The following SPEG variants were observed in gnomAD, a reference collection of about 807,000 sequenced individuals.
SPEG encodes the protein striated muscle enriched protein kinase.
In SPEG, 114 loss-of-function variants were observed where a neutral mutation model predicts 300.4. The ratio of observed to expected loss-of-function variants is 0.38; its 90% CI spans 0.33 to 0.44. SPEG has a LOEUF of 0.44. Ranked by LOEUF, SPEG falls within the 20% of genes least tolerant of loss-of-function variation. The pLI is 1.00. For synonymous variants in SPEG, 1,964 were observed against 2,018.9 expected (o/e 0.97, Z 0.73); for missense variants, 4,201 against 4,586.2 (o/e 0.92, Z 2.43).
At chr2:219,469,825 TC>T (rs1290538683) in intron 13 of SPEG, among the ~76,000 whole-genome samples, 4 of 152,148 alleles carry the variant, frequency 2.6e-5, no homozygotes, top group African/African-American at 9.7e-5. Context: ...CGGTGGTACT[TC>T]CTGGAGACAT....
chr2:219,463,657 C>T (rs1690965140), intron 8 of SPEG, among the ~76,000 whole-genome samples: 2 of 150,962 alleles, frequency 1.3e-5, no homozygotes, highest in Admixed American at 1.3e-4. Flanking sequence ...CCACCCACCT[C>T]GGCCTCCCAA....
chr2:219,485,217 G>A lies in SPEG; in HGVS notation c.7610-129G>A, dbSNP rs565326439. The A allele has an allele frequency of 1.5e-5, 22 of 1,485,148 alleles. No homozygotes were observed. In the Admixed American group the frequency reaches 3.6e-4, roughly 24 times the overall value. The allele number at this position is 1,485,148 out of a possible 1,614,324, so 92.0% of individuals were successfully genotyped here. ...TGGAATCAGCAGGGCTGGAGGGGAG[G>A]AAAGCAGGAATGGCGGCAGGGCTGG... On this transcript the variant is annotated intron_variant, in intron 30 of 40. Transcript: ENST00000312358.
chr2:219,462,418 C>T (rs753244865), intron 8 of SPEG, 32 bp downstream of exon 8: 57 of 1,513,658 alleles, frequency 3.8e-5, no homozygotes, highest in South Asian at 1.7e-4. Context: ...CACCCACCAG[C>T]GACTCTATGC....
Position 219,473,429 on chromosome 2 carries a change from G to T in SPEG, c.4148-75G>T. Reference sequence around the variant, plus strand: ...AAAACGGAACTCAAGTGTTGATGAGGGGTGTTAGAGGAGTGGTGGGTGCTG... The same window carrying T: ...AAAACGGAACTCAAGTGTTGATGAGTGGTGTTAGAGGAGTGGTGGGTGCTG... On this transcript the variant is annotated intron_variant, in intron 16 of 40. Coordinates refer to ENST00000312358, the MANE Select transcript of SPEG (RefSeq NM_005876.5). This position sits in a 1 kb window ranked among gnomAD's most constrained non-coding sequence, Gnocchi z 4.6. The T allele has an allele frequency of 1.4e-6, 2 of 1,390,546 alleles. No homozygotes were observed. Among genetic ancestry groups the T allele is most frequent in the Non-Finnish European group, 2.0e-6 (2 of 987,758 alleles). 86.1% of individuals were successfully genotyped at this position (1,390,546 alleles called of 1,614,324 possible). A position where few individuals can be genotyped will look rare whatever the true frequency, so the allele number is the denominator to read the frequency against.
At chr2:219,442,099 G>A (rs1175745003) in intron 1 of SPEG, 2 of 1,192,816 alleles carry the variant, frequency 1.7e-6, no homozygotes, top group South Asian at 4.2e-5. Context: ...GGCTCCGGGG[G>A]CGGGCGGCGC....
chr2:219,482,512 C>A, intron 28 of SPEG: 1 of 467,252 alleles, frequency 2.1e-6, no homozygotes, highest in South Asian at 3.1e-5. Context: ...GGCCATGAGC[C>A]CTGGTGGAAG....
chr2:219,473,473 C>T lies in SPEG; in HGVS notation c.4148-31C>T. The stretch of plus-strand genomic sequence containing the variant: ...GGTGCTGAGGACCTGATGTCAAGCC[C>T]AGCACAGAGCCTGCGCTCTCCTCCT... On this transcript the variant is annotated intron_variant, in intron 16 of 40. Coordinates refer to ENST00000312358, the MANE Select transcript of SPEG (RefSeq NM_005876.5). This position sits in a 1 kb window ranked among gnomAD's most constrained non-coding sequence, Gnocchi z 4.6. 1 of 1,611,386 alleles carries T rather than the reference C, an allele frequency of 6.2e-7. No homozygotes were observed. Among genetic ancestry groups the T allele is most frequent in the Non-Finnish European group, 8.5e-7 (1 of 1,178,612 alleles).
At position 219,479,715 on chromosome 2, in the gene SPEG, G is replaced by A. The variant is rs1348696160; in HGVS notation, c.5086-68G>A. 75 of 1,473,424 alleles carry A rather than the reference G, an allele frequency of 5.1e-5. No homozygotes were observed. The highest frequency in any genetic ancestry group is 6.7e-5 in the Non-Finnish European group (71 of 1,055,618). The allele number at this position is 1,473,424 out of a possible 1,614,324, so 91.3% of individuals were successfully genotyped here. The stretch of plus-strand genomic sequence containing the variant: ...CTCCACAGGCACAGCCGGACCGCTT[G>A]CCGCCCTGGAGGTGTTCAGACATAC... On this transcript the variant is annotated intron_variant, in intron 23 of 40. Transcript: ENST00000312358. The surrounding 1 kb of genome is among the most constrained non-coding windows in gnomAD (Gnocchi z 5.5).
chr2:219,485,260 T>A, intron 30 of SPEG, 86 bp from the exon 31 acceptor site: 1 of 1,534,304 alleles, frequency 6.5e-7, no homozygotes, highest in Non-Finnish European at 8.8e-7. Flanking sequence ...AGGGGTTCCT[T>A]CTGGTTCTCT....
intron 15 of SPEG, 51 bp from the exon 16 acceptor site, chr2:219,472,839 A>AG: frequency 3.4e-6 from 5 of 1,475,314 alleles, no homozygotes; most frequent in Non-Finnish European, 3.7e-6. Flanking sequence ...CTGGATGGGG[A>AG]GGGGTTACTG....
rs373524622 is a variant in SPEG at position 219,461,995 on chromosome 2, C to T, written c.2554C>T (p.Pro852Ser). Residue 852 changes from proline (P) to serine (S), a missense_variant, in exon 7 of 41, where the codon CCC (proline) becomes TCC (serine). Transcript: ENST00000312358. ...CTGGCCGCGAACCCCCACCATGAAGCCCAGTCCCAGCCAGAACCGCCGTTC... is the reference window on the plus strand; with the variant it reads ...CTGGCCGCGAACCCCCACCATGAAGTCCAGTCCCAGCCAGAACCGCCGTTC... ...ETWPRTPTMK[P>S]SPSQNRRSSD... 5.6e-6 allele frequency: 9 copies of T among 1,613,366 alleles called. No homozygotes were observed. The African/African-American group carries it at 6.7e-5, about 12-fold the overall frequency.
chr2:219,449,704 T>C (rs1295793190), intron 4 of SPEG, among the ~76,000 whole-genome samples: 1 of 152,152 alleles, frequency 6.6e-6, no homozygotes, highest in Non-Finnish European at 1.5e-5. Context: ...GAAATAATTT[T>C]CAAATCCCTG....
Position 219,448,564 on chromosome 2 carries a change from T to A in SPEG, c.1406T>A (p.Leu469Gln). Residue 469 changes from leucine to glutamine, a missense_variant, in exon 4 of 41, where the codon CTG becomes CAG. Coordinates refer to ENST00000312358, the MANE Select transcript of SPEG (RefSeq NM_005876.5). ...GGCAGCGTGGCCGAGCGGCGCCGCC[T>A]GTTCCAGCAGAAAGCGGCCTCGCTG... The part of the protein sequence containing the change: ...APGSVAERRR[L>Q]FQQKAASLDE... The A allele has an allele frequency of 6.9e-7, 1 of 1,451,000 alleles. No homozygotes were observed. Among genetic ancestry groups the A allele is most frequent in the Non-Finnish European group, 9.0e-7 (1 of 1,110,076 alleles). 89.9% of individuals were successfully genotyped at this position (1,451,000 alleles called of 1,614,324 possible).
intron 34 of SPEG, 38 bp downstream of exon 34, chr2:219,488,938 G>A: frequency 6.3e-7 from 1 of 1,587,738 alleles, no homozygotes; most frequent in African/African-American, 1.3e-5. Context: ...GGGAGCGGCA[G>A]GGGGAGGGTA....
chr2:219,480,783 C>T lies in SPEG; in HGVS notation c.5369+86C>T. ...GGGCTGCAGCCCACCCCCTTCTCTT[C>T]CGCACCCCCCACTCCTTCTTGCACT... is the stretch of plus-strand genomic sequence containing the variant. On this transcript the variant is annotated intron_variant, in intron 26 of 40. Transcript: ENST00000312358. The surrounding 1 kb of genome is among the most constrained non-coding windows in gnomAD (Gnocchi z 5.3). The T allele has an allele frequency of 3.2e-6, 4 of 1,255,858 alleles. No homozygotes were observed. In the South Asian group the frequency reaches 4.8e-5, roughly 15 times the overall value. 77.8% of individuals were successfully genotyped at this position (1,255,858 alleles called of 1,614,324 possible).
At position 219,445,880 on chromosome 2, in the gene SPEG, G is replaced by A. The variant is rs1254213702; in HGVS notation, c.815+719G>A. 6.6e-6 allele frequency among the ~76,000 whole-genome samples: 1 copy of A among 152,130 alleles called. No homozygotes were observed. The highest frequency in any genetic ancestry group is 2.4e-5 in the African/African-American group (1 of 41,412). Reference sequence around the variant, plus strand: ...TAAGTCCCTGAGGGTGGGATTCAAGGTTGTCCCAGGAGGGGGTGTGAGGAG... The same window carrying A: ...TAAGTCCCTGAGGGTGGGATTCAAGATTGTCCCAGGAGGGGGTGTGAGGAG... On this transcript the variant is annotated intron_variant, in intron 3 of 40. Transcript: ENST00000312358. This position sits in a 1 kb window ranked among gnomAD's most constrained non-coding sequence, Gnocchi z 6.1.
In SPEG at chr2:219,459,264, G is replaced by A. The variant is rs1057441708; in HGVS notation, c.2441-2618G>A. ...GGCACCTGCCCCCTCCTTCCTGGCT[G>A]GTGTAACTGTGTTTGCCACAGTGAG... On this transcript the variant is annotated intron_variant, in intron 6 of 40. Transcript: ENST00000312358. This position sits in a 1 kb window ranked among gnomAD's most constrained non-coding sequence, Gnocchi z 4.9. 6.6e-6 allele frequency among the ~76,000 whole-genome samples: 1 copy of A among 152,214 alleles called. No individual in the cohort carries two copies. The highest frequency in any genetic ancestry group is 1.5e-5 in the Non-Finnish European group (1 of 68,024).
rs571803883 is a variant in SPEG at position 219,450,172 on chromosome 2, C to T, written c.2113+901C>T. ...CTTAGAATCTTTAGAGATAATTAGG[C>T]CCCTGTCCATCATCCTCCTGGACAC... On this transcript the variant is annotated intron_variant, in intron 4 of 40. Transcript: ENST00000312358. Among the ~76,000 whole-genome samples the T allele has an allele frequency of 1.8e-3, 269 of 152,312 alleles. 3 individuals are homozygous for T. The highest frequency in any genetic ancestry group is 5.9e-3 in the African/African-American group (245 of 41,568).
At chr2:219,463,174 A>C (rs1575102435) in intron 8 of SPEG, among the ~76,000 whole-genome samples, 1 of 151,606 alleles carries the variant, frequency 6.6e-6, no homozygotes, top group African/African-American at 2.4e-5. Flanking sequence ...ATACCACTGC[A>C]CTCCAGCCTG....
Sources: gnomAD v4.1 joint callset for allele counts (sites outside exome capture counted in the v4.1 genomes callset) on GRCh38, gnomAD v4.1.1 for gene constraint, Gnocchi (gnomAD v3.1) non-coding constraint, MANE v1.5 for transcripts, NCBI Gene and HGNC (gene_info 2026-07-23, HGNC 2026-07-21) for gene names.